ABCC1: variants seen among roughly 807,000 people sequenced by gnomAD.
ABCC1 encodes multidrug resistance-associated protein 1.
ABCC1 carries 83 observed loss-of-function variants against 172.9 expected under a neutral mutation model. The observed-to-expected ratio is 0.48, with a 90% CI of 0.40 to 0.58. The LOEUF is 0.58. Ranked by LOEUF, ABCC1 falls within the 20% of genes least tolerant of loss-of-function variation. The probability of loss-of-function intolerance (pLI) is 0.00; values close to 1 mark genes in which losing one functional copy is unlikely to be tolerated. For missense variants in ABCC1, 1,817 were observed against 2,002.7 expected (o/e 0.91, Z 1.77); for synonymous variants, 937 against 825.2 (o/e 1.14, Z -2.32).
chr16:16,001,766 T>C (rs1163947175), intron 1 of ABCC1, among the ~76,000 whole-genome samples: 2 of 152,234 alleles, frequency 1.3e-5, no homozygotes, highest in African/African-American at 4.8e-5. Flanking sequence ...CTGTGCTTTG[T>C]GAAGTAATTG....
chr16:16,131,292 A>G (rs1447514737), intron 26 of ABCC1, among the ~76,000 whole-genome samples: 1 of 152,210 alleles, frequency 6.6e-6, no homozygotes, highest in Non-Finnish European at 1.5e-5. Flanking sequence ...TGACCTACTG[A>G]GGGATGATCA....
intron 12 of ABCC1, among the ~76,000 whole-genome samples, chr16:16,062,219 G>A (rs1412746114): frequency 2.6e-5 from 4 of 152,194 alleles, no homozygotes; most frequent in African/African-American, 4.8e-5. Context: ...CATTGGATTC[G>A]TTGGCAAAAC....
intron 12 of ABCC1, among the ~76,000 whole-genome samples, chr16:16,063,924 T>C (rs1335025236): frequency 1.3e-5 from 2 of 152,128 alleles, no homozygotes; most frequent in Non-Finnish European, 1.5e-5. Context: ...ATAGGATGCT[T>C]GGGTCAGCCA....
intron 1 of ABCC1, among the ~76,000 whole-genome samples, chr16:15,977,697 C>G (rs191693045): frequency 6.6e-6 from 1 of 152,280 alleles, no homozygotes; most frequent in East Asian, 1.9e-4. Flanking sequence ...ATCCTCCCAT[C>G]TTGGCCTTCC....
chr16:16,050,449 ACT>A (rs1017546388), intron 10 of ABCC1, among the ~76,000 whole-genome samples: 4 of 151,346 alleles, frequency 2.6e-5, no homozygotes, highest in Non-Finnish European at 4.4e-5. Context: ...ACAGAGCGAG[ACT>A]CTGTCTCAAA....
At chr16:16,015,460 A>G (rs1320200994) in intron 4 of ABCC1, among the ~76,000 whole-genome samples, 1 of 152,106 alleles carries the variant, frequency 6.6e-6, no homozygotes, top group East Asian at 1.9e-4. Context: ...TTTTGGAATA[A>G]CCTGCTGTTC....
chr16:16,136,244 G>T (rs1464254357), intron 28 of ABCC1, among the ~76,000 whole-genome samples: 2 of 151,834 alleles, frequency 1.3e-5, no homozygotes, highest in African/African-American at 4.8e-5. Context: ...GGCTGGTCTC[G>T]AACTCCTGAC....
At chr16:16,137,249 A>G (rs1177408171) in intron 29 of ABCC1, among the ~76,000 whole-genome samples, 1 of 151,874 alleles carries the variant, frequency 6.6e-6, no homozygotes, top group Non-Finnish European at 1.5e-5. Context: ...GCTCACATGC[A>G]TGTCTGGGAG....
chr16:16,102,529 CTG>C (rs1218365201), intron 19 of ABCC1, 96 bp from the exon 20 acceptor site: 47 of 1,080,524 alleles, frequency 4.3e-5, no homozygotes, highest in Non-Finnish European at 5.8e-5. Context: ...GCCAGGTGCT[CTG>C]TGGTCTCCTC....
Position 15,969,246 on chromosome 16 carries a change from C to T in ABCC1, c.48+19447C>T, listed in dbSNP as rs141822561. On this transcript the variant is annotated intron_variant, in intron 1 of 30. Coordinates refer to ENST00000399410, the MANE Select transcript of ABCC1 (RefSeq NM_004996.4). Reference sequence around the variant, plus strand: ...CATATAGTCTTTATTTTTTTGTTTGCGTGGGCTGGTGCATCTTGATTATGA... The same window carrying T: ...CATATAGTCTTTATTTTTTTGTTTGTGTGGGCTGGTGCATCTTGATTATGA... Among the ~76,000 whole-genome samples the T allele has an allele frequency of 4.0e-3, 611 of 152,002 alleles. 3 individuals are homozygous for T. The highest frequency in any genetic ancestry group is 4.6e-3 in the Non-Finnish European group (310 of 67,968).
chr16:16,012,751 T>C lies in ABCC1; in HGVS notation c.352-1740T>C, dbSNP rs553752440. The stretch of plus-strand genomic sequence containing the variant: ...TTTCCCAGGCGCAATGGCATGATCT[T>C]GGCTCACTGCAACCTCTGCCTCCCG... On this transcript the variant is annotated intron_variant, in intron 3 of 30. Coordinates refer to ENST00000399410, the MANE Select transcript of ABCC1 (RefSeq NM_004996.4). 1.2e-4 allele frequency among the ~76,000 whole-genome samples: 18 copies of C among 151,788 alleles called. No individual in the cohort carries two copies. The East Asian group carries it at 3.3e-3, about 28-fold the overall frequency.
intron 10 of ABCC1, among the ~76,000 whole-genome samples, chr16:16,049,176 C>T (rs559866119): frequency 2.0e-5 from 3 of 152,076 alleles, no homozygotes; most frequent in Admixed American, 2.0e-4. Context: ...TACATGGCTC[C>T]GTAGCTTTGG....
rs1183414804 is a variant in ABCC1 at position 16,044,573 on chromosome 16, C to G, written c.933C>G (p.Pro311=). 6.2e-7 allele frequency: 1 copy of G among 1,614,058 alleles called. No individual in the cohort carries two copies. Among genetic ancestry groups the G allele is most frequent in the Non-Finnish European group, 8.5e-7 (1 of 1,180,040 alleles). Reference sequence around the variant, plus strand: ...AGTCCCCACAGAAGGAGTGGAACCCCTCTCTGTTTAAGGTGTTATACAAGA... The same window carrying G: ...AGTCCCCACAGAAGGAGTGGAACCCGTCTCTGTTTAAGGTGTTATACAAGA... ...IVKSPQKEWN[P]SLFKVLYKTF... The change falls in exon 8 of 31, where the codon CCC becomes CCG. Residue 311 remains proline, a synonymous_variant. Coordinates refer to ENST00000399410, the MANE Select transcript of ABCC1 (RefSeq NM_004996.4).
At chr16:16,087,155 A>C (rs1024942454) in intron 18 of ABCC1, among the ~76,000 whole-genome samples, 164 bp downstream of exon 18, 1 of 152,206 alleles carries the variant, frequency 6.6e-6, no homozygotes, top group Non-Finnish European at 1.5e-5. Context: ...TTCCTAAGAC[A>C]GCCGTCTTGT....
chr16:16,023,197 A>G (rs1489278793), intron 5 of ABCC1, among the ~76,000 whole-genome samples: 1 of 152,184 alleles, frequency 6.6e-6, no homozygotes. Context: ...TACAGGCCTG[A>G]GCCACTGAAC....
rs747917739 is a variant in ABCC1, at chr16:16,007,908, G to T, written c.141G>T (p.Trp47Cys). 2 of 1,612,740 alleles carry T rather than the reference G, an allele frequency of 1.2e-6. No homozygotes were observed. Among genetic ancestry groups the T allele is most frequent in the Non-Finnish European group, 1.7e-6 (2 of 1,179,694 alleles). Residue 47 changes from tryptophan (W) to cysteine (C), a missense_variant, in exon 2 of 31, where the codon TGG becomes TGT. Trp to Cys is a radical substitution (Grantham distance 215). Around this residue, in one of 3 missense-constraint regions of ABCC1, gnomAD observed 398 missense variants for 384.2 expected, o/e 1.04. Transcript: ENST00000399410. ...TGTGGGTGCCTTGTTTTTACCTCTG[G>T]GCCTGTTTCCCCTTCTACTTCCTCT... ...VLVWVPCFYL[W>C]ACFPFYFLYL... is the part of the protein sequence containing the mutation.
chr16:16,102,202 T>G (rs931519165), intron 19 of ABCC1, among the ~76,000 whole-genome samples: 5 of 150,168 alleles, frequency 3.3e-5, no homozygotes, highest in African/African-American at 1.2e-4. Flanking sequence ...TTATCTATTT[T>G]GAATATCACT....
intron 10 of ABCC1, among the ~76,000 whole-genome samples, chr16:16,051,915 C>A (rs899625884): frequency 1.3e-5 from 2 of 152,176 alleles, no homozygotes; most frequent in Non-Finnish European, 1.5e-5. Context: ...TCACACTTTT[C>A]TGCTTACTAC....
intron 1 of ABCC1, among the ~76,000 whole-genome samples, chr16:15,960,413 C>T (rs2046101263): frequency 6.6e-6 from 1 of 152,104 alleles, no homozygotes; most frequent in Non-Finnish European, 1.5e-5. Context: ...ATTGTTCTTC[C>T]CACACTGCTT....
Sources: allele counts gnomAD v4.1 joint callset (sites outside exome capture counted in the v4.1 genomes callset), GRCh38; gene constraint gnomAD v4.1.1; regional missense constraint gnomAD v4.1.1; transcripts MANE v1.5; gene names NCBI Gene and HGNC (gene_info 2026-07-23, HGNC 2026-07-21).